MAGI1: variants seen among roughly 807,000 people sequenced by gnomAD.
The protein encoded by MAGI1 is membrane associated guanylate kinase, WW and PDZ domain containing 1.
MAGI1 carries 58 observed loss-of-function variants against 139.9 expected under a neutral mutation model. The ratio of observed to expected loss-of-function variants is 0.41; its 90% confidence interval spans 0.34 to 0.52. The LOEUF is 0.52. Ranked by LOEUF, MAGI1 falls within the 20% of genes least tolerant of loss-of-function variation. The pLI, the probability that MAGI1 is intolerant of heterozygous loss-of-function variation, is 0.12. For synonymous variants in MAGI1, 812 were observed against 737.9 expected, an observed-to-expected ratio of 1.10 and a Z score of -1.63; for missense variants, 1,874 against 1,901.6, an observed-to-expected ratio of 0.99 and a Z score of 0.27.
Position 65,939,398 on chromosome 3 carries a change from A to G in MAGI1, c.313+98598T>C, listed in dbSNP as rs147947339. ...GTTTACACTGTAGGGGGTAAAATCA[A>G]TAACTCAATGTGAACTCCGCACAAA... On this transcript the variant is annotated intron_variant, in intron 1 of 22. Transcript: ENST00000402939. 3.0e-3 allele frequency among the ~76,000 whole-genome samples: 454 copies of G among 152,356 alleles called. 3 individuals carry two copies. The highest frequency in any genetic ancestry group is 9.8e-3 in the African/African-American group (407 of 41,572).
chr3:65,393,244 G>A (rs182531280), intron 13 of MAGI1, among the ~76,000 whole-genome samples: 1 of 152,232 alleles, frequency 6.6e-6, no homozygotes, highest in Admixed American at 6.5e-5. Context: ...ATGCACATGG[G>A]ACAGTTGCTT....
At chr3:65,775,870 A>C (rs2038377326) in intron 1 of MAGI1, among the ~76,000 whole-genome samples, 1 of 151,998 alleles carries the variant, frequency 6.6e-6, no homozygotes, top group African/African-American at 2.4e-5. Context: ...TGAACCTGGG[A>C]AGCTGAGGCT....
At chr3:65,580,549 T>A (rs528893388) in intron 2 of MAGI1, among the ~76,000 whole-genome samples, 1 of 152,272 alleles carries the variant, frequency 6.6e-6, no homozygotes, top group East Asian at 1.9e-4. Context: ...ACACAGGTTA[T>A]TTTTTTCAAT....
rs1948142986 is a variant in MAGI1 at position 65,439,901 on chromosome 3, C to T, written c.1248G>A (p.Gln416=). ...AACCTTCTGTCTGCTGCTGCTGCTG[C>T]TGCTGCTGCTGCTGTTGCTGCTGCT... is the stretch of plus-strand genomic sequence containing the variant. The part of the protein sequence containing the change: ...QQQQQQQQQQ[Q]QQQQQTEEWT... Residue 416 remains glutamine, a synonymous_variant, in exon 9 of 23, where the codon CAG becomes CAA. Coordinates refer to ENST00000402939, the MANE Select transcript of MAGI1 (RefSeq NM_001033057.2). The T allele has an allele frequency of 6.2e-7, 1 of 1,609,778 alleles. No homozygotes were observed. The highest frequency in any genetic ancestry group is 8.5e-7 in the Non-Finnish European group (1 of 1,177,490).
At chr3:65,759,065 C>CAAAAAAAAAAAAAAAAA (rs200497203) in intron 1 of MAGI1, among the ~76,000 whole-genome samples, 10 of 73,084 alleles carry the variant, frequency 1.4e-4, no homozygotes, top group African/African-American at 5.5e-4. Flanking sequence ...AGGCCCAGTG[C>CAAAAAAAAAAAAAAAAA]AAAAAAAAAA....
At chr3:65,661,735 G>GT (rs1244825630) in intron 1 of MAGI1, among the ~76,000 whole-genome samples, 37 of 117,754 alleles carry the variant, frequency 3.1e-4, no homozygotes, top group African/African-American at 1.2e-3. Context: ...TTGTTGTTTT[G>GT]TTTTTTTCTG....
chr3:65,874,251 A>T (rs1380879272), intron 1 of MAGI1: 1 of 151,948 alleles, frequency 6.6e-6, no homozygotes, highest in Non-Finnish European at 1.5e-5. Context: ...TCACCACTGG[A>T]CTCCAGCTTG....
At chr3:65,675,124 A>T (rs1486940717) in intron 1 of MAGI1, among the ~76,000 whole-genome samples, 1 of 152,080 alleles carries the variant, frequency 6.6e-6, no homozygotes, top group Non-Finnish European at 1.5e-5. Flanking sequence ...CTTCAACCAC[A>T]CTGTCAGTCT....
intron 1 of MAGI1, chr3:65,688,449 G>A (rs1036383352): frequency 2.1e-6 from 1 of 484,116 alleles, no homozygotes; most frequent in African/African-American, 2.0e-5. Context: ...GAAGAAGAAA[G>A]CATGGAAACT....
At chr3:65,682,647 G>T (rs1018073124) in intron 1 of MAGI1, among the ~76,000 whole-genome samples, 3 of 151,908 alleles carry the variant, frequency 2.0e-5, no homozygotes, top group African/African-American at 7.3e-5. Context: ...CTTTTAAGAA[G>T]AAACTTAAGA....
intron 1 of MAGI1, among the ~76,000 whole-genome samples, chr3:65,723,198 G>A (rs2033238487): frequency 6.6e-6 from 1 of 152,210 alleles, no homozygotes; most frequent in African/African-American, 2.4e-5. Flanking sequence ...TCAGGTCAGA[G>A]TGCAGCTAGG....
chr3:65,686,806 G>C (rs138395044), intron 1 of MAGI1, among the ~76,000 whole-genome samples: 18 of 152,332 alleles, frequency 1.2e-4, no homozygotes, highest in Non-Finnish European at 2.6e-4. Flanking sequence ...GTTTTTTATA[G>C]TTTTAATACA....
intron 1 of MAGI1, among the ~76,000 whole-genome samples, chr3:65,691,318 AAAG>A (rs1297927503): frequency 1.3e-5 from 2 of 151,304 alleles, no homozygotes; most frequent in Non-Finnish European, 3.0e-5. Flanking sequence ...AAAAAAAAGA[AAAG>A]AAAAAGAAAA....
intron 1 of MAGI1, among the ~76,000 whole-genome samples, chr3:65,678,227 G>C (rs144047407): frequency 6.6e-6 from 1 of 151,912 alleles, no homozygotes; most frequent in Non-Finnish European, 1.5e-5. Context: ...TGTAGATGAC[G>C]GGTTGATGGG....
At chr3:65,616,947 T>C (rs749631198) in intron 2 of MAGI1, among the ~76,000 whole-genome samples, 1 of 152,224 alleles carries the variant, frequency 6.6e-6, no homozygotes, top group African/African-American at 2.4e-5. Flanking sequence ...TGGAAACAAC[T>C]ATGTTTAAGA....
chr3:65,652,262 A>G (rs2085627203), intron 1 of MAGI1, among the ~76,000 whole-genome samples: 2 of 152,202 alleles, frequency 1.3e-5, no homozygotes, highest in African/African-American at 4.8e-5. Context: ...CATTATTTAA[A>G]TGTTTCAAGA....
chr3:65,945,242 C>G (rs550331887), intron 1 of MAGI1, among the ~76,000 whole-genome samples: 1 of 152,216 alleles, frequency 6.6e-6, no homozygotes, highest in South Asian at 2.1e-4. Context: ...ACTTTAGGTT[C>G]AGGGATACAT....
chr3:65,998,378 T>C (rs1264941895), intron 1 of MAGI1, among the ~76,000 whole-genome samples: 5 of 152,302 alleles, frequency 3.3e-5, no homozygotes, highest in East Asian at 3.9e-4. Context: ...GTTTGTTACA[T>C]AGCTTTTTCG....
At chr3:65,483,609 G>A (rs1035298385) in intron 3 of MAGI1, among the ~76,000 whole-genome samples, 2 of 152,232 alleles carry the variant, frequency 1.3e-5, no homozygotes, top group African/African-American at 4.8e-5. Context: ...TCTAGGAGCC[G>A]TGAGGCTGAT....
Sources: gnomAD v4.1 joint callset for allele counts (sites outside exome capture counted in the v4.1 genomes callset) on GRCh38, gnomAD v4.1.1 for gene constraint, MANE v1.5 for transcripts, NCBI Gene and HGNC (gene_info 2026-07-23, HGNC 2026-07-21) for gene names.